The following SPPL3 variants were observed in gnomAD, a reference collection of about 807,000 sequenced individuals.
SPPL3 encodes the protein signal peptide peptidase-like 3.
A neutral mutation model predicts 42.4 loss-of-function variants in SPPL3; 5 were observed. That is an observed-to-expected ratio of 0.12 (90% CI 0.06 to 0.25). SPPL3 has a LOEUF of 0.25. Among genes scored for constraint, SPPL3 ranks in the 10% least tolerant of loss-of-function variants. The pLI is 1.00. For missense variants in SPPL3, 235 were observed against 489.0 expected, an observed-to-expected ratio of 0.48 and a Z score of 4.90; for synonymous variants, 195 against 181.8, an observed-to-expected ratio of 1.07 and a Z score of -0.58.
chr12:120,848,149 A>G (rs1872105575), intron 1 of SPPL3, among the ~76,000 whole-genome samples: 1 of 152,230 alleles, frequency 6.6e-6, no homozygotes, highest in Admixed American at 6.5e-5. Context: ...CGAATCTATT[A>G]AAGGGAGAGG....
Position 120,789,824 on chromosome 12 carries a change from CAAAAAA to C in SPPL3, c.190+1639_190+1644del, listed in dbSNP as rs3050392. Among the ~76,000 whole-genome samples the C allele has an allele frequency of 2.0e-4, 6 of 30,462 alleles. No homozygotes were observed. The South Asian group carries it at 5.0e-3, about 25-fold the overall frequency. The allele number at this position is 30,462 out of a possible 152,430, so 20.0% of individuals were successfully genotyped here. ...TGAATGACAGAGCAAGACTCCGTCT[CAAAAAA>C]AAAAAAAAAAAAAAAAAAAAAGAGC... On this transcript the variant is annotated intron_variant, in intron 3 of 10. Coordinates refer to ENST00000353487, the MANE Select transcript of SPPL3 (RefSeq NM_139015.5).
chr12:120,895,713 T>C (rs1297806795), intron 1 of SPPL3, among the ~76,000 whole-genome samples: 1 of 151,142 alleles, frequency 6.6e-6, no homozygotes, highest in Admixed American at 6.7e-5. Flanking sequence ...CACTTTGCAA[T>C]GCATGAAGCA....
chr12:120,769,218 ACCCGCTTCTTCAG>A lies in SPPL3; in HGVS notation c.503-172_503-160del, dbSNP rs987318675. The A allele has an allele frequency of 1.0e-5, 6 of 574,652 alleles. No individual in the cohort carries two copies. The African/African-American group carries it at 1.1e-4, about 11-fold the overall frequency. The allele number at this position is 574,652 out of a possible 1,614,324, so 35.6% of individuals were successfully genotyped here. A position where few individuals can be genotyped will look rare whatever the true frequency, so the allele number is the denominator to read the frequency against. ...AACTTACATGCAACTGGTGCAAAAC[ACCCGCTTCTTCAG>A]CCTGTTTGGACTTGTGGAATTTGGG... On this transcript the variant is annotated intron_variant, in intron 6 of 10. Coordinates refer to ENST00000353487, the MANE Select transcript of SPPL3 (RefSeq NM_139015.5).
At chr12:120,875,274 G>A (rs1449997573) in intron 1 of SPPL3, among the ~76,000 whole-genome samples, 5 of 152,028 alleles carry the variant, frequency 3.3e-5, no homozygotes, top group African/African-American at 1.2e-4. Flanking sequence ...AATTAAAATA[G>A]AAAAAATTTA....
At chr12:120,845,321 C>A in intron 1 of SPPL3, 1 of 349,490 alleles carries the variant, frequency 2.9e-6, no homozygotes, top group Non-Finnish European at 5.8e-6. Context: ...TCGTCCTCGG[C>A]CAGCATCCTC....
At chr12:120,882,972 A>G (rs1282835552) in intron 1 of SPPL3, among the ~76,000 whole-genome samples, 1 of 152,090 alleles carries the variant, frequency 6.6e-6, no homozygotes, top group Non-Finnish European at 1.5e-5. Flanking sequence ...GTTCTGGGAC[A>G]ATTGGATTCC....
At chr12:120,903,766 C>T (rs1166152548) in intron 1 of SPPL3, 79 bp downstream of exon 1, 5 of 1,041,884 alleles carry the variant, frequency 4.8e-6, no homozygotes, top group Non-Finnish European at 6.6e-6. Context: ...GTTCTTCCTC[C>T]TCTTCCCCTC....
rs191678839 is a variant in SPPL3, at chr12:120,890,386, G to A, written c.23+13459C>T. On this transcript the variant is annotated intron_variant, in intron 1 of 10. Coordinates refer to ENST00000353487, the MANE Select transcript of SPPL3 (RefSeq NM_139015.5). ...GGGCAGATCACGAGGTCAAGAGATC[G>A]AAACCATCCTGGCCAAAATGATAAA... Among the ~76,000 whole-genome samples the A allele has an allele frequency of 9.9e-5, 15 of 151,984 alleles. No individual in the cohort carries two copies. The East Asian group carries it at 2.3e-3, about 23-fold the overall frequency.
chr12:120,831,502 T>C (rs1871424059), intron 1 of SPPL3, among the ~76,000 whole-genome samples: 1 of 152,170 alleles, frequency 6.6e-6, no homozygotes, highest in African/African-American at 2.4e-5. Context: ...TCTATTTCTA[T>C]ATTCCACTTT....
chr12:120,853,983 T>TACACACACACACACACACACAC (rs58246859), intron 1 of SPPL3, among the ~76,000 whole-genome samples: 31 of 130,300 alleles, frequency 2.4e-4, no homozygotes, highest in Admixed American at 7.1e-4. Context: ...CACGCACACA[T>TACACACACACACACACACACAC]ACACACACAC....
chr12:120,901,822 T>C (rs1024950762), intron 1 of SPPL3: 3 of 837,346 alleles, frequency 3.6e-6, no homozygotes, highest in African/African-American at 1.8e-5. Flanking sequence ...CACAAAGTAA[T>C]CCCTCCTTAA....
chr12:120,810,263 T>C (rs1365198810), intron 2 of SPPL3, among the ~76,000 whole-genome samples: 3 of 152,224 alleles, frequency 2.0e-5, no homozygotes, highest in African/African-American at 7.2e-5. Flanking sequence ...ATTATAGGCA[T>C]ATGGCACTGT....
chr12:120,903,853 G>A lies in SPPL3; in HGVS notation c.15C>T (p.Thr5=). 2 of 1,463,726 alleles carry A rather than the reference G, an allele frequency of 1.4e-6. No individual in the cohort carries two copies. Among genetic ancestry groups the A allele is most frequent in the Non-Finnish European group, 1.8e-6 (2 of 1,112,226 alleles). The allele number at this position is 1,463,726 out of a possible 1,614,324, so 90.7% of individuals were successfully genotyped here. A position where few individuals can be genotyped will look rare whatever the true frequency, so the allele number is the denominator to read the frequency against. The change falls in exon 1 of 11, where the codon ACC becomes ACT. Residue 5 remains threonine (T), a synonymous_variant. Coordinates refer to ENST00000353487, the MANE Select transcript of SPPL3 (RefSeq NM_139015.5). MAEQ[T]YSWAYSLVDS... ...CGGAGCCCCGCACTCACCACGAGTA[G>A]GTCTGCTCCGCCATGGCGCTGCCTC...
At chr12:120,876,403 G>A (rs911353094) in intron 1 of SPPL3, among the ~76,000 whole-genome samples, 11 of 151,694 alleles carry the variant, frequency 7.3e-5, no homozygotes, top group Non-Finnish European at 4.4e-5. Flanking sequence ...CATGAGGTCA[G>A]GAGCTCGAGA....
chr12:120,771,327 TGCCGCCGCTTCGGCCAC>T (rs1238542771), intron 6 of SPPL3, among the ~76,000 whole-genome samples: 3 of 152,164 alleles, frequency 2.0e-5, no homozygotes, highest in Non-Finnish European at 4.4e-5. Context: ...CTACCCCCCA[TGCCGCCGCTTCGGCCAC>T]GCCGCCGCTT....
At chr12:120,765,137 TA>T (rs869088981) in intron 10 of SPPL3, 67 bp from the exon 11 acceptor site, 18,985 of 1,135,882 alleles carry the variant, frequency 0.017, 1 homozygote, top group South Asian at 0.02. Flanking sequence ...TCTGATTCTT[TA>T]AAAAAAAAAA....
intron 1 of SPPL3, among the ~76,000 whole-genome samples, chr12:120,832,944 T>G (rs1017398334): frequency 1.3e-5 from 2 of 152,238 alleles, no homozygotes; most frequent in Non-Finnish European, 2.9e-5. Flanking sequence ...TATGGGGATC[T>G]GGTGATAACT....
chr12:120,845,088 T>A, intron 1 of SPPL3: 2 of 346,938 alleles, frequency 5.8e-6, no homozygotes, highest in Admixed American at 3.6e-5. Context: ...GCAAGAGGAG[T>A]GAGAGGGAGG....
chr12:120,852,760 C>A (rs61946365), intron 1 of SPPL3, among the ~76,000 whole-genome samples: 7,776 of 49,978 alleles, frequency 0.16, 2,297 homozygotes, highest in Middle Eastern at 0.22. Flanking sequence ...TATATTATAT[C>A]TATGTATATT....
Sources: gnomAD v4.1 joint callset for allele counts (sites outside exome capture counted in the v4.1 genomes callset) on GRCh38, gnomAD v4.1.1 for gene constraint, MANE v1.5 for transcripts, NCBI Gene and HGNC (gene_info 2026-07-23, HGNC 2026-07-21) for gene names.